The following TAFA1 variants were observed in gnomAD, a reference collection of about 807,000 sequenced individuals.
TAFA1 encodes the protein TAFA chemokine like family member 1, also known as chemokine-like protein TAFA-1.
A neutral mutation model predicts 18.5 loss-of-function variants in TAFA1; 4 were observed. That is an observed-to-expected ratio of 0.22 (90% CI 0.11 to 0.49). The LOEUF is 0.49. TAFA1 is among the 20% of genes least tolerant of loss of function. The probability of loss-of-function intolerance (pLI) is 0.98; values close to 1 mark genes in which losing one functional copy is unlikely to be tolerated. For missense variants in TAFA1, 147 were observed against 169.0 expected (o/e 0.87, Z 0.72); for synonymous variants, 56 against 55.2 (o/e 1.01, Z -0.06).
chr3:68,105,049 T>C (rs555953780), intron 2 of TAFA1, among the ~76,000 whole-genome samples: 2 of 152,166 alleles, frequency 1.3e-5, no homozygotes, highest in South Asian at 2.1e-4. Context: ...ATGTATCATA[T>C]GGTGAGAGCA....
intron 2 of TAFA1, among the ~76,000 whole-genome samples, chr3:68,034,527 A>G (rs925471366): frequency 3.9e-5 from 6 of 152,204 alleles, no homozygotes; most frequent in East Asian, 1.9e-4. Context: ...ATACTCTTCA[A>G]TGTTAGCTTA....
intron 2 of TAFA1, among the ~76,000 whole-genome samples, chr3:68,188,706 TG>T (rs1377759503): frequency 1.3e-5 from 2 of 151,906 alleles, no homozygotes. Flanking sequence ...AGAGGAAAAT[TG>T]TTTTTTTAAA....
chr3:68,273,049 A>T lies in TAFA1; in HGVS notation c.119-144231A>T, dbSNP rs541405915. Among the ~76,000 whole-genome samples the T allele has an allele frequency of 1.4e-4, 21 of 152,234 alleles. No homozygotes were observed. The South Asian group carries it at 4.4e-3, about 32-fold the overall frequency. The stretch of plus-strand genomic sequence containing the variant: ...GGGGGGAATAAAAATAAGTAACCCA[A>T]AATAAATAACTGCAAATTATGCCAC... On this transcript the variant is annotated intron_variant, in intron 2 of 4. Transcript: ENST00000478136.
At chr3:68,244,641 G>A (rs566926158) in intron 2 of TAFA1, among the ~76,000 whole-genome samples, 23 of 152,156 alleles carry the variant, frequency 1.5e-4, no homozygotes, top group East Asian at 5.8e-4. Flanking sequence ...CTCCTAAAGC[G>A]TTGGTATTAT....
chr3:68,402,699 C>T (rs1375075665), intron 2 of TAFA1, among the ~76,000 whole-genome samples: 2 of 152,102 alleles, frequency 1.3e-5, no homozygotes, highest in African/African-American at 4.8e-5. Context: ...TCAGCTAAAC[C>T]AATAAAATAT....
Position 68,480,236 on chromosome 3 carries a change from CA to C in TAFA1, c.260-58503del, listed in dbSNP as rs35040879. Among the ~76,000 whole-genome samples, 489 of 127,032 alleles carry C rather than the reference CA, an allele frequency of 3.8e-3. 3 individuals carry two copies. Among genetic ancestry groups the C allele is most frequent in the South Asian group, 0.022 (85 of 3,798 alleles). 83.3% of individuals were successfully genotyped at this position (127,032 alleles called of 152,430 possible). A position where few individuals can be genotyped will look rare whatever the true frequency, so the allele number is the denominator to read the frequency against. On this transcript the variant is annotated intron_variant, in intron 3 of 4. Coordinates refer to ENST00000478136, the MANE Select transcript of TAFA1 (RefSeq NM_213609.4). The stretch of plus-strand genomic sequence containing the variant: ...TGAAACCCCATCTCTACTAAAAATA[CA>C]AAAAAAAAAAAAAAAATTAGCCAGG...
At chr3:68,503,019 C>A (rs1473503676) in intron 3 of TAFA1, among the ~76,000 whole-genome samples, 1 of 152,082 alleles carries the variant, frequency 6.6e-6, no homozygotes, top group Non-Finnish European at 1.5e-5. Context: ...TGATGTATAG[C>A]CCAAGTATCC....
intron 2 of TAFA1, among the ~76,000 whole-genome samples, chr3:68,202,584 A>G (rs2066480585): frequency 1.3e-5 from 2 of 151,642 alleles, no homozygotes; most frequent in Admixed American, 1.3e-4. Context: ...TTTAGTGGTT[A>G]TTCTAGAGTT....
At chr3:68,448,955 GA>G (rs1374479846) in intron 3 of TAFA1, among the ~76,000 whole-genome samples, 1 of 152,160 alleles carries the variant, frequency 6.6e-6, no homozygotes, top group Non-Finnish European at 1.5e-5. Flanking sequence ...GTTAGTATCA[GA>G]ATTTGAGCTG....
rs184229006 is a variant in TAFA1 at position 68,320,630 on chromosome 3, C to T, written c.119-96650C>T. 3.7e-3 allele frequency among the ~76,000 whole-genome samples: 568 copies of T among 152,256 alleles called. 15 individuals carry two copies. The highest frequency in any genetic ancestry group is 6.5e-4 in the Non-Finnish European group (44 of 68,030). ...TACCTGCCTGGGCTCTCCCTGTGACCCAGGGCCAGAGGTGGCTCCCTGTTA... is the reference window on the plus strand; with the variant it reads ...TACCTGCCTGGGCTCTCCCTGTGACTCAGGGCCAGAGGTGGCTCCCTGTTA... On this transcript the variant is annotated intron_variant, in intron 2 of 4. Transcript: ENST00000478136.
At chr3:68,430,040 A>G (rs1165601594) in intron 3 of TAFA1, among the ~76,000 whole-genome samples, 1 of 151,976 alleles carries the variant, frequency 6.6e-6, no homozygotes. Flanking sequence ...TGCTGAACAA[A>G]GACAGCCCCT....
intron 2 of TAFA1, among the ~76,000 whole-genome samples, chr3:68,395,747 G>A (rs1004861614): frequency 2.0e-5 from 3 of 152,126 alleles, no homozygotes; most frequent in Admixed American, 2.0e-4. Flanking sequence ...ATAAGTGAGA[G>A]TTGAACAATT....
intron 2 of TAFA1, among the ~76,000 whole-genome samples, chr3:68,120,328 C>G (rs1239576540): frequency 1.3e-5 from 2 of 151,692 alleles, no homozygotes; most frequent in Non-Finnish European, 2.9e-5. Flanking sequence ...CAGTTCACTA[C>G]AACCTCTGCC....
At chr3:68,416,582 C>T (rs1429808189) in intron 2 of TAFA1, among the ~76,000 whole-genome samples, 3 of 152,124 alleles carry the variant, frequency 2.0e-5, no homozygotes, top group Non-Finnish European at 4.4e-5. Context: ...TATGCAGAGC[C>T]GGCAGTTCAC....
chr3:68,412,773 T>A (rs1303331665), intron 2 of TAFA1, among the ~76,000 whole-genome samples: 1 of 152,186 alleles, frequency 6.6e-6, no homozygotes. Context: ...ATCCAGTCTA[T>A]CATTGGTGGA....
chr3:68,159,987 G>C (rs1340169071), intron 2 of TAFA1, among the ~76,000 whole-genome samples: 2 of 152,138 alleles, frequency 1.3e-5, no homozygotes, highest in Non-Finnish European at 2.9e-5. Flanking sequence ...ACCAGACCTG[G>C]CTCTTGTTAA....
intron 2 of TAFA1, among the ~76,000 whole-genome samples, chr3:68,354,230 G>A (rs2069323028): frequency 6.6e-6 from 1 of 151,588 alleles, no homozygotes; most frequent in Non-Finnish European, 1.5e-5. Flanking sequence ...TCTTTTAATG[G>A]AATTGTCAAC....
the TAFA1 span, among the ~76,000 whole-genome samples, chr3:67,994,032 T>C: frequency 2.0e-5 from 3 of 152,162 alleles, no homozygotes; most frequent in Non-Finnish European, 4.4e-5. Flanking sequence ...AGCTGTGTGA[T>C]ATATATTTTC....
intron 3 of TAFA1, among the ~76,000 whole-genome samples, chr3:68,478,692 A>T (rs2072152310): frequency 6.6e-6 from 1 of 152,152 alleles, no homozygotes; most frequent in African/African-American, 2.4e-5. Context: ...CAATTTATAA[A>T]ATTTAACATA....
Sources: gnomAD v4.1 joint callset for allele counts (sites outside exome capture counted in the v4.1 genomes callset) on GRCh38, gnomAD v4.1.1 for gene constraint, MANE v1.5 for transcripts, NCBI Gene and HGNC (gene_info 2026-07-23, HGNC 2026-07-21) for gene names.